The following CLTCL1 variants were observed in gnomAD, a reference collection of about 807,000 sequenced individuals.
CLTCL1 encodes clathrin heavy chain like 1.
Under a neutral mutation model 190.0 loss-of-function variants are expected in CLTCL1, and 159 were observed. That is an observed-to-expected ratio of 0.84 (90% CI 0.74 to 0.95). CLTCL1 has a LOEUF of 0.95. CLTCL1 is among the 40% of genes least tolerant of loss of function. The pLI, the probability that CLTCL1 is intolerant of heterozygous loss-of-function variation, is 0.00. For synonymous variants in CLTCL1, 752 were observed against 769.6 expected, an observed-to-expected ratio of 0.98 and a Z score of 0.38; for missense variants, 1,878 against 2,033.4, an observed-to-expected ratio of 0.92 and a Z score of 1.47.
In CLTCL1 at chr22:19,221,360, G is replaced by A. The variant is rs1555952111; in HGVS notation, c.2796+17C>T. 2.0e-6 allele frequency: 3 copies of A among 1,526,854 alleles called. No homozygotes were observed. The highest frequency in any genetic ancestry group is 1.8e-6 in the Non-Finnish European group (2 of 1,129,340). 94.6% of individuals were successfully genotyped at this position (1,526,854 alleles called of 1,614,324 possible). On this transcript the variant is annotated intron_variant, in intron 17 of 32. Transcript: ENST00000427926. ...AGCCCAGGGTTACATGGGCAGCTCA[G>A]CACATCTGCTACCCACCTTGATGAG...
At chr22:19,287,212 G>A (rs34538694) in intron 1 of CLTCL1, among the ~76,000 whole-genome samples, 16 of 152,262 alleles carry the variant, frequency 1.1e-4, no homozygotes, top group African/African-American at 3.9e-4. Context: ...TCAAATGGTA[G>A]CTCCCTGAGC....
rs1555945031 is a variant in CLTCL1, at chr22:19,209,128, G to A, written c.3250-14C>T. The A allele has an allele frequency of 1.3e-6, 2 of 1,573,436 alleles. No individual in the cohort carries two copies. The highest frequency in any genetic ancestry group is 1.7e-6 in the Non-Finnish European group (2 of 1,156,614). On this transcript the variant is annotated splice_polypyrimidine_tract_variant and intron_variant, in intron 20 of 32. Coordinates refer to ENST00000427926, the MANE Select transcript of CLTCL1 (RefSeq NM_007098.4). The stretch of plus-strand genomic sequence containing the variant: ...CTCGATCAGGACCTAGGGGTTATGA[G>A]AGGACTTCCATTCTCTGCAACATCT...
In CLTCL1 at chr22:19,226,226, T is replaced by A. The variant is rs753167812; in HGVS notation, c.1940A>T (p.Asn647Ile). The change falls in exon 12 of 33, where the codon AAT becomes ATT. Residue 647 changes from asparagine to isoleucine, a missense_variant. Transcript: ENST00000427926. ...CCCAGGGGTACACAGTACCTCGGGA[T>A]TGAGGAGGTGAGTGTGGACCACAGC... ...KRAVVHTHLL[N>I]PEWLVNFFGS... is the part of the protein sequence containing the mutation. 1.9e-6 allele frequency: 3 copies of A among 1,613,552 alleles called. No individual in the cohort carries two copies. Among genetic ancestry groups the A allele is most frequent in the Admixed American group, 1.7e-5 (1 of 59,984 alleles).
intron 2 of CLTCL1, chr22:19,258,470 C>A: frequency 4.5e-6 from 2 of 443,890 alleles, no homozygotes; most frequent in South Asian, 1.9e-5. Flanking sequence ...ATCTGAAGAT[C>A]AGCTTGGAGA....
chr22:19,214,765 C>G (rs1452349809), intron 19 of CLTCL1, among the ~76,000 whole-genome samples: 2 of 151,544 alleles, frequency 1.3e-5, no homozygotes, highest in African/African-American at 4.9e-5. Flanking sequence ...ACTGCAACCT[C>G]CACCTCCCAG....
At chr22:19,258,377 C>T (rs1016153246) in intron 2 of CLTCL1, 10 of 420,716 alleles carry the variant, frequency 2.4e-5, no homozygotes, top group Non-Finnish European at 3.6e-5. Context: ...CGCAGTCCAC[C>T]GAGATCAGAG....
chr22:19,280,608 CAGG>C (rs557728297), intron 1 of CLTCL1, among the ~76,000 whole-genome samples: 4 of 151,588 alleles, frequency 2.6e-5, no homozygotes, highest in African/African-American at 2.4e-5. Flanking sequence ...CGCTTGAGGT[CAGG>C]AGATCGAGAC....
At chr22:19,199,927 G>A in intron 23 of CLTCL1, 86 bp from the exon 24 acceptor site, 1 of 797,270 alleles carries the variant, frequency 1.3e-6, no homozygotes, top group Non-Finnish European at 2.0e-6. Flanking sequence ...AGTTGCAAAT[G>A]CAGAAATACC....
chr22:19,186,368 G>T (rs1354176231), intron 29 of CLTCL1, among the ~76,000 whole-genome samples: 1 of 151,976 alleles, frequency 6.6e-6, no homozygotes, highest in African/African-American at 2.4e-5. Flanking sequence ...AGCAGAGGAT[G>T]TTAATGCCTT....
chr22:19,224,800 G>C (rs782729629), intron 13 of CLTCL1, among the ~76,000 whole-genome samples: 2 of 152,128 alleles, frequency 1.3e-5, no homozygotes, highest in Non-Finnish European at 2.9e-5. Flanking sequence ...CTGAGGACAG[G>C]GTCATGTCCC....
chr22:19,202,415 C>T (rs2084917742), intron 22 of CLTCL1, among the ~76,000 whole-genome samples: 9 of 151,818 alleles, frequency 5.9e-5, no homozygotes, highest in East Asian at 3.9e-4. Flanking sequence ...CCATCCACGG[C>T]ACCTCCCGCA....
At chr22:19,203,467 C>T (rs954444857) in intron 22 of CLTCL1, among the ~76,000 whole-genome samples, 13 of 152,320 alleles carry the variant, frequency 8.5e-5, no homozygotes, top group Non-Finnish European at 1.8e-4. Context: ...ATTCTCTCTG[C>T]AATCCACTCC....
At chr22:19,233,358 G>A (rs1555960081) in intron 8 of CLTCL1, 40 bp from the exon 9 acceptor site, 1 of 1,610,482 alleles carries the variant, frequency 6.2e-7, no homozygotes, top group Admixed American at 1.7e-5. Context: ...TAGGAGGCAG[G>A]TAGGGAGCCT....
intron 17 of CLTCL1, among the ~76,000 whole-genome samples, chr22:19,220,862 G>T (rs560429833): frequency 3.3e-5 from 5 of 152,298 alleles, no homozygotes; most frequent in African/African-American, 1.2e-4. Flanking sequence ...GGCAGATGCA[G>T]GCAAAAGACC....
chr22:19,274,775 G>C (rs1226512082), intron 2 of CLTCL1, among the ~76,000 whole-genome samples: 1 of 150,334 alleles, frequency 6.7e-6, no homozygotes, highest in African/African-American at 2.5e-5. Context: ...TGTTGTCCAG[G>C]CTGGAGTGCA....
At chr22:19,185,565 A>T (rs555775100) in intron 29 of CLTCL1, among the ~76,000 whole-genome samples, 1 of 152,162 alleles carries the variant, frequency 6.6e-6, no homozygotes, top group East Asian at 1.9e-4. Context: ...TGATCCTGTG[A>T]TCCGCCCGCC....
chr22:19,261,879 T>C (rs2086959761), intron 2 of CLTCL1, among the ~76,000 whole-genome samples: 1 of 152,212 alleles, frequency 6.6e-6, no homozygotes, highest in Non-Finnish European at 1.5e-5. Flanking sequence ...CACCAGAGTC[T>C]GAAAGGACTG....
chr22:19,275,134 T>A (rs1254802469), intron 2 of CLTCL1, among the ~76,000 whole-genome samples: 1 of 152,176 alleles, frequency 6.6e-6, no homozygotes, highest in Non-Finnish European at 1.5e-5. Context: ...ATAAGAAGAT[T>A]CTATATTTTT....
intron 3 of CLTCL1, among the ~76,000 whole-genome samples, chr22:19,246,650 A>G (rs1042233401): frequency 9.9e-5 from 15 of 151,868 alleles, no homozygotes; most frequent in Non-Finnish European, 2.1e-4. Context: ...CTAATTTTGT[A>G]TTTTTACTAG....
Sources: allele counts gnomAD v4.1 joint callset (sites outside exome capture counted in the v4.1 genomes callset), GRCh38; gene constraint gnomAD v4.1.1; transcripts MANE v1.5; gene names NCBI Gene and HGNC (gene_info 2026-07-23, HGNC 2026-07-21).